The following ART1 variants were observed in gnomAD, a reference collection of about 807,000 sequenced individuals.
ART1 encodes ADP-ribosyltransferase 1, also known as GPI-linked NAD(P)(+)--arginine ADP-ribosyltransferase 1.
In ART1, 29 loss-of-function variants were observed where a neutral mutation model predicts 27.0. That is an observed-to-expected ratio of 1.08 (90% CI 0.80 to 1.47). The LOEUF is 1.47. Ranked by LOEUF, ART1 falls within the 40% of genes most tolerant of loss-of-function variation. The pLI is 0.00. For missense variants in ART1, 480 were observed against 423.0 expected (o/e 1.13, Z -1.18); for synonymous variants, 201 against 172.2 (o/e 1.17, Z -1.31).
At chr11:3,655,798 T>C (rs772933185) in intron 1 of ART1, 3 of 152,098 alleles carry the variant, frequency 2.0e-5, no homozygotes, top group Non-Finnish European at 4.4e-5. Context: ...GTTCCTCTCA[T>C]GGGGTGCATA....
intron 1 of ART1, among the ~76,000 whole-genome samples, chr11:3,648,630 C>A (rs923782825): frequency 6.6e-6 from 1 of 152,166 alleles, no homozygotes; most frequent in Non-Finnish European, 1.5e-5. Context: ...ACTCCGGCGC[C>A]GGTCACGGAC....
At chr11:3,663,073 C>CTCATCTCA (rs754454251) in intron 4 of ART1, among the ~76,000 whole-genome samples, 2 of 100,240 alleles carry the variant, frequency 2.0e-5, no homozygotes, top group Admixed American at 9.9e-5. Context: ...CTCATCTCAT[C>CTCATCTCA]TCATCATCTC....
chr11:3,660,162 G>A lies in ART1; in HGVS notation c.643G>A (p.Glu215Lys), dbSNP rs763183394. 2.5e-6 allele frequency: 4 copies of A among 1,614,044 alleles called. No individual in the cohort carries two copies. Among genetic ancestry groups the A allele is most frequent in the East Asian group, 2.2e-5 (1 of 44,864 alleles). ...LKHVAAQQFG[E>K]DTFFGIWTCL... ...GCATGTTGCAGCCCAGCAGTTTGGT[G>A]AGGACACCTTCTTCGGCATCTGGAC... is the stretch of plus-strand genomic sequence containing the variant. Residue 215 changes from glutamate (E) to lysine (K), a missense_variant, in exon 3 of 5, where the codon GAG becomes AAG. Physicochemically the swap from Glu to Lys is moderately conservative, Grantham distance 56. Transcript: ENST00000250693.
chr11:3,652,482 T>C (rs2077531987), intron 1 of ART1, among the ~76,000 whole-genome samples: 2 of 152,010 alleles, frequency 1.3e-5, no homozygotes, highest in South Asian at 4.2e-4. Flanking sequence ...CTCATCAAGC[T>C]CAGCCACCAA....
At chr11:3,663,208 C>T (rs775184085) in intron 4 of ART1, among the ~76,000 whole-genome samples, 1 of 152,000 alleles carries the variant, frequency 6.6e-6, no homozygotes, top group Non-Finnish European at 1.5e-5. Context: ...GGAGGCATTA[C>T]CCCCCTTATA....
intron 1 of ART1, among the ~76,000 whole-genome samples, chr11:3,649,233 T>C (rs2077496937): frequency 6.6e-6 from 1 of 152,092 alleles, no homozygotes; most frequent in African/African-American, 2.4e-5. Context: ...CCTCTTCAAC[T>C]CACACCTGAC....
chr11:3,647,277 G>T (rs2077475826), intron 1 of ART1, among the ~76,000 whole-genome samples: 1 of 150,928 alleles, frequency 6.6e-6, no homozygotes, highest in African/African-American at 2.4e-5. Context: ...AGTCGAGATT[G>T]CACCATTGCA....
intron 1 of ART1, among the ~76,000 whole-genome samples, chr11:3,651,859 C>A (rs2077524667): frequency 6.6e-6 from 1 of 150,868 alleles, no homozygotes; most frequent in East Asian, 1.9e-4. Context: ...CTGACATTCA[C>A]CCCATTTCCC....
intron 1 of ART1, among the ~76,000 whole-genome samples, chr11:3,648,984 A>G (rs2077493447): frequency 2.0e-5 from 2 of 102,234 alleles, no homozygotes; most frequent in East Asian, 5.7e-4. Flanking sequence ...CCACGCCCCG[A>G]CCTCTTATCT....
chr11:3,646,876 T>G (rs1332410156), intron 1 of ART1, among the ~76,000 whole-genome samples: 1 of 152,202 alleles, frequency 6.6e-6, no homozygotes, highest in Admixed American at 6.5e-5. Flanking sequence ...ACTACAATAA[T>G]GAGCAAGATG....
At chr11:3,653,307 T>A (rs575025042) in intron 1 of ART1, among the ~76,000 whole-genome samples, 6 of 148,816 alleles carry the variant, frequency 4.0e-5, no homozygotes, top group Middle Eastern at 3.4e-3. Flanking sequence ...GGTTCCTGCC[T>A]TAACTGATGA....
In ART1 at chr11:3,664,364, G is replaced by C; in HGVS notation, c.*175G>C. ...AGAAACAGGAGACAATCTGGGGACT[G>C]AACCTTACCCAGGGCTGTAGGAGTG... On this transcript the variant is annotated 3_prime_UTR_variant, in exon 5 of 5. Coordinates refer to ENST00000250693, the MANE Select transcript of ART1 (RefSeq NM_004314.3). 1 of 629,656 alleles carries C rather than the reference G, an allele frequency of 1.6e-6. No homozygotes were observed. The highest frequency in any genetic ancestry group is 2.8e-6 in the Non-Finnish European group (1 of 360,078). The allele number at this position is 629,656 out of a possible 1,614,324, so 39.0% of individuals were successfully genotyped here.
Position 3,659,672 on chromosome 11 carries a change from T to C in ART1, c.153T>C (p.Ala51=), listed in dbSNP as rs766186226. ...MALASFDDQY[A]GCAAAMTAAL... The stretch of plus-strand genomic sequence containing the variant: ...TGGCCTCCTTTGATGACCAGTACGC[T>C]GGCTGTGCTGCTGCCATGACAGCTG... The change falls in exon 3 of 5, where the codon GCT becomes GCC. Residue 51 remains alanine, a synonymous_variant. Coordinates refer to ENST00000250693, the MANE Select transcript of ART1 (RefSeq NM_004314.3). 10 of 1,613,980 alleles carry C rather than the reference T, an allele frequency of 6.2e-6. No homozygotes were observed. Among genetic ancestry groups the C allele is most frequent in the Non-Finnish European group, 7.6e-6 (9 of 1,180,030 alleles).
chr11:3,660,120 G>A lies in ART1; in HGVS notation c.601G>A (p.Ala201Thr). The change falls in exon 3 of 5, where the codon GCT becomes ACT. Residue 201 changes from alanine to threonine, a missense_variant. Physicochemically the swap from Ala to Thr is moderately conservative, Grantham distance 58. Transcript: ENST00000250693. ...PRATVRLGGF[A>T]SASLKHVAAQ... Reference sequence around the variant, plus strand: ...GGCCACCGTGAGGCTGGGGGGCTTTGCTTCTGCCTCCCTGAAGCATGTTGC... The same window carrying A: ...GGCCACCGTGAGGCTGGGGGGCTTTACTTCTGCCTCCCTGAAGCATGTTGC... The A allele has an allele frequency of 6.2e-7, 1 of 1,613,868 alleles. No homozygotes were observed. Among genetic ancestry groups the A allele is most frequent in the Non-Finnish European group, 8.5e-7 (1 of 1,179,990 alleles).
intron 1 of ART1, among the ~76,000 whole-genome samples, chr11:3,647,015 C>G (rs1043322934): frequency 6.6e-6 from 1 of 151,948 alleles, no homozygotes; most frequent in East Asian, 1.9e-4. Flanking sequence ...AAAAACAAAA[C>G]AAAACAAAAT....
At chr11:3,660,413 C>T (rs1292579029) in intron 3 of ART1, 50 bp downstream of exon 3, 27 of 1,554,184 alleles carry the variant, frequency 1.7e-5, no homozygotes, top group Non-Finnish European at 2.2e-5. Flanking sequence ...GGACCTTCCA[C>T]ATCCACCAGG....
chr11:3,653,874 A>G (rs1248442227), intron 1 of ART1, among the ~76,000 whole-genome samples: 1 of 18,730 alleles, frequency 5.3e-5, no homozygotes, highest in Non-Finnish European at 1.1e-4. Context: ...CCTCACTGCC[A>G]TTCTCCCATC....
At chr11:3,651,523 AGCCTTTCT>A (rs1359773950) in intron 1 of ART1, among the ~76,000 whole-genome samples, 1 of 146,172 alleles carries the variant, frequency 6.8e-6, no homozygotes, top group Non-Finnish European at 1.5e-5. Context: ...CGCATCCTAT[AGCCTTTCT>A]GTCCAAACAA....
intron 4 of ART1, 94 bp downstream of exon 4, chr11:3,661,507 T>TTTTC (rs2077620398): frequency 4.5e-6 from 5 of 1,117,008 alleles, no homozygotes; most frequent in Non-Finnish European, 5.0e-6. Context: ...TTTTTTTTTT[T>TTTTC]TTTTGAGACA....
Sources: allele counts gnomAD v4.1 joint callset (sites outside exome capture counted in the v4.1 genomes callset), GRCh38; gene constraint gnomAD v4.1.1; transcripts MANE v1.5; gene names NCBI Gene and HGNC (gene_info 2026-07-23, HGNC 2026-07-21).